SYBU: variants seen among roughly 807,000 people sequenced by gnomAD.
SYBU encodes the protein syntabulin, also known as GOLSYN A protein.
SYBU carries 21 observed loss-of-function variants against 35.9 expected under a neutral mutation model. The observed-to-expected ratio is 0.58, with a 90% CI of 0.41 to 0.84. The LOEUF (loss-of-function observed/expected upper bound fraction) is 0.84, where lower values mean the gene tolerates loss of function less well. SYBU is among the 40% of genes least tolerant of loss of function. The pLI is 0.00. For synonymous variants in SYBU, 319 were observed against 324.3 expected, an observed-to-expected ratio of 0.98 and a Z score of 0.18; for missense variants, 768 against 848.2, an observed-to-expected ratio of 0.91 and a Z score of 1.17.
rs1321897331 is a variant in SYBU, at chr8:109,651,136, GT to G, written c.-129+29574del. On this transcript the variant is annotated intron_variant, in intron 1 of 5. Coordinates refer to the SYBU transcript ENST00000408889. Reference sequence around the variant, plus strand: ...TGAGGCTGCTGCTGGAAGCCTAGAAGTTTCAGGATGGCTTCCTAGATATCTG... The same window carrying G: ...TGAGGCTGCTGCTGGAAGCCTAGAAGTTCAGGATGGCTTCCTAGATATCTG... Among the ~76,000 whole-genome samples, 8 of 152,330 alleles carry G rather than the reference GT, an allele frequency of 5.3e-5. 1 individual carries two copies. In the South Asian group the frequency reaches 1.4e-3, roughly 28 times the overall value.
Position 109,631,768 on chromosome 8 carries a change from G to A in SYBU, c.229+10960C>T, listed in dbSNP as rs78671440. 3.8e-3 allele frequency among the ~76,000 whole-genome samples: 574 copies of A among 152,286 alleles called. 5 individuals are homozygous for A. The highest frequency in any genetic ancestry group is 6.3e-3 in the Non-Finnish European group (426 of 68,030). On this transcript the variant is annotated intron_variant, in intron 2 of 6. Transcript: ENST00000276646. ...ACAGAAGAAAGGTGAGCCCTGGCACGGGGGTGGTGAATTTGTCTTTCAAGA... is the reference window on the plus strand; with the variant it reads ...ACAGAAGAAAGGTGAGCCCTGGCACAGGGGTGGTGAATTTGTCTTTCAAGA...
chr8:109,640,819 CA>C (rs33993476), intron 2 of SYBU, among the ~76,000 whole-genome samples: 24,042 of 82,076 alleles, frequency 0.29, 2,890 homozygotes, highest in African/African-American at 0.5. Flanking sequence ...AATTAGTTAG[CA>C]AAAAAAAAAA....
intron 1 of SYBU, among the ~76,000 whole-genome samples, chr8:109,654,228 T>C (rs1423181484): frequency 1.3e-5 from 2 of 152,158 alleles, no homozygotes; most frequent in Non-Finnish European, 2.9e-5. Context: ...TTGTCTAGAG[T>C]ATATGTCTCA....
chr8:109,576,703 A>G (rs1822361564), intron 6 of SYBU, among the ~76,000 whole-genome samples: 1 of 152,176 alleles, frequency 6.6e-6, no homozygotes, highest in South Asian at 2.1e-4. Context: ...CACTAAGGAG[A>G]ATCTATCCTA....
intron 2 of SYBU, among the ~76,000 whole-genome samples, chr8:109,632,254 T>C (rs1396371344): frequency 6.6e-6 from 1 of 152,212 alleles, no homozygotes; most frequent in Non-Finnish European, 1.5e-5. Flanking sequence ...TTGGCCAGGC[T>C]GGTCTCGAAC....
At chr8:109,668,165 G>GGAGAGAGAGAAAGGGGGGAGA (rs1338581968) in intron 1 of SYBU, among the ~76,000 whole-genome samples, 2 of 88,990 alleles carry the variant, frequency 2.2e-5, no homozygotes, top group Non-Finnish European at 4.0e-5. Flanking sequence ...GGGGAGAGGG[G>GGAGAGAGAGAAAGGGGGGAGA]GAGAGAGAGA....
At chr8:109,579,709 A>T (rs1300635763) in intron 5 of SYBU, 90 bp downstream of exon 5, 2 of 1,208,382 alleles carry the variant, frequency 1.7e-6, no homozygotes, top group East Asian at 2.3e-5. Flanking sequence ...CAAGGGATCA[A>T]GAGTTGTATA....
chr8:109,688,640 CT>C (rs60532150), intron 1 of SYBU, among the ~76,000 whole-genome samples: 3 of 150,900 alleles, frequency 2.0e-5, no homozygotes, highest in African/African-American at 7.3e-5. Flanking sequence ...CAGTTTTGTT[CT>C]TTTTTTTTCT....
intron 3 of SYBU, among the ~76,000 whole-genome samples, chr8:109,590,398 A>G (rs1824082724): frequency 7.2e-6 from 1 of 139,316 alleles, no homozygotes; most frequent in Non-Finnish European, 1.5e-5. Flanking sequence ...TTGATAAGAT[A>G]CATATACAGG....
rs760187134 is a variant in SYBU at position 109,574,410 on chromosome 8, T to A, written c.*496A>T. ...AAAAATTGCAAACACTCAAATCTTA[T>A]CAACCCCAAGTAAGACAGTAAAGAG... On this transcript the variant is annotated 3_prime_UTR_variant, in exon 7 of 7. Coordinates refer to ENST00000276646, the MANE Select transcript of SYBU (RefSeq NM_001099754.2). 1 of 152,966 alleles carries A rather than the reference T, an allele frequency of 6.5e-6. No homozygotes were observed. Among genetic ancestry groups the A allele is most frequent in the Non-Finnish European group, 1.5e-5 (1 of 68,262 alleles). The allele number at this position is 152,966 out of a possible 1,614,324, so 9.5% of individuals were successfully genotyped here.
intron 1 of SYBU, among the ~76,000 whole-genome samples, chr8:109,664,496 C>T (rs1816686798): frequency 6.6e-6 from 1 of 152,130 alleles, no homozygotes; most frequent in African/African-American, 2.4e-5. Flanking sequence ...ACATTTAACT[C>T]AGTATTTATC....
intron 1 of SYBU, among the ~76,000 whole-genome samples, chr8:109,655,180 C>T (rs989075980): frequency 6.6e-6 from 1 of 152,232 alleles, no homozygotes; most frequent in African/African-American, 2.4e-5. Flanking sequence ...ACCTTGAACA[C>T]ACCTCCCAAT....
upstream of SYBU, chr8:109,647,273 T>A (rs540978181): frequency 2.0e-5 from 3 of 152,302 alleles, no homozygotes; most frequent in Non-Finnish European, 4.4e-5. Flanking sequence ...TACAAATGGA[T>A]ACTGCTCAAA....
intron 1 of SYBU, among the ~76,000 whole-genome samples, chr8:109,659,090 C>A (rs1397599739): frequency 2.6e-5 from 4 of 152,158 alleles, no homozygotes; most frequent in Non-Finnish European, 5.9e-5. Context: ...ATTTCAAGGA[C>A]ATTAGCATTT....
chr8:109,637,633 T>G (rs1814374678), intron 2 of SYBU, among the ~76,000 whole-genome samples: 1 of 152,208 alleles, frequency 6.6e-6, no homozygotes, highest in African/African-American at 2.4e-5. Context: ...TAGTATAATT[T>G]GGAATTGCAG....
At chr8:109,626,224 C>A (rs2130461198) in intron 2 of SYBU, among the ~76,000 whole-genome samples, 1 of 152,258 alleles carries the variant, frequency 6.6e-6, no homozygotes, top group South Asian at 2.1e-4. Flanking sequence ...ACATTCAAAC[C>A]TTGCTCTATT....
At chr8:109,647,831 C>T (rs1815863625), upstream of SYBU, 1 of 152,204 alleles carries the variant, frequency 6.6e-6, no homozygotes. Flanking sequence ...GCCTTGCTGT[C>T]GCCATAGCAA....
At position 109,639,348 on chromosome 8, in the gene SYBU, AAGT is replaced by A. The variant is rs201808995; in HGVS notation, c.229+3377_229+3379del. On this transcript the variant is annotated intron_variant, in intron 2 of 6. Coordinates refer to ENST00000276646, the MANE Select transcript of SYBU (RefSeq NM_001099754.2). ...GCTCATTACATTATCTTTTTTAAAAAAGTAAAAATTTTAGAACATATGACGCTT... is the reference window on the plus strand; with the variant it reads ...GCTCATTACATTATCTTTTTTAAAAAAAAAATTTTAGAACATATGACGCTT... 7.9e-3 allele frequency among the ~76,000 whole-genome samples: 1,197 copies of A among 152,234 alleles called. 15 individuals are homozygous for A. The highest frequency in any genetic ancestry group is 0.028 in the African/African-American group (1,146 of 41,466).
At chr8:109,620,403 A>G (rs962408752) in intron 2 of SYBU, among the ~76,000 whole-genome samples, 1 of 152,230 alleles carries the variant, frequency 6.6e-6, no homozygotes, top group Non-Finnish European at 1.5e-5. Flanking sequence ...GCTTGAATAA[A>G]GATAGAAACA....
Sources: gnomAD v4.1 joint callset for allele counts (sites outside exome capture counted in the v4.1 genomes callset) on GRCh38, gnomAD v4.1.1 for gene constraint, MANE v1.5 for transcripts, NCBI Gene and HGNC (gene_info 2026-07-23, HGNC 2026-07-21) for gene names.